The following TMEM132D variants were observed in gnomAD, a reference collection of about 807,000 sequenced individuals.
TMEM132D encodes the protein transmembrane protein 132D, also known as mature OL transmembrane protein.
TMEM132D carries 21 observed loss-of-function variants against 62.3 expected under a neutral mutation model. That is an observed-to-expected ratio of 0.34 (90% CI 0.24 to 0.49). The LOEUF (loss-of-function observed/expected upper bound fraction) is 0.49. TMEM132D is among the 20% of genes least tolerant of loss of function. TMEM132D has a pLI of 0.99. For synonymous variants in TMEM132D, 621 were observed against 575.6 expected, an observed-to-expected ratio of 1.08 and a Z score of -1.13; for missense variants, 1,346 against 1,402.8, an observed-to-expected ratio of 0.96 and a Z score of 0.65.
At chr12:129,224,360 T>C (rs1362107507) in intron 4 of TMEM132D, among the ~76,000 whole-genome samples, 1 of 152,238 alleles carries the variant, frequency 6.6e-6, no homozygotes, top group African/African-American at 2.4e-5. Flanking sequence ...TCAGGACTTC[T>C]TTTTACTTGA....
At chr12:129,274,207 A>G (rs1168715028) in intron 4 of TMEM132D, among the ~76,000 whole-genome samples, 1 of 151,886 alleles carries the variant, frequency 6.6e-6, no homozygotes, top group Non-Finnish European at 1.5e-5. Flanking sequence ...CCATCCAACA[A>G]GGGCAGTCTT....
chr12:129,808,294 T>C (rs543793072), intron 1 of TMEM132D, among the ~76,000 whole-genome samples: 3 of 152,290 alleles, frequency 2.0e-5, no homozygotes, highest in East Asian at 3.9e-4. Flanking sequence ...AGAATCTAGA[T>C]GCAGAATAAA....
chr12:129,438,462 TA>T (rs1872850739), intron 3 of TMEM132D, among the ~76,000 whole-genome samples: 1 of 152,332 alleles, frequency 6.6e-6, no homozygotes, highest in South Asian at 2.1e-4. Context: ...TACTCATTTA[TA>T]AAAAACATAG....
rs1874164155 is a variant in TMEM132D at position 129,074,067 on chromosome 12, T to C, written c.3108A>G (p.Thr1036=). ...DGKDQKSEPP[T]SPTSKRKRVK... is the part of the protein sequence containing the mutation. Reference sequence around the variant, plus strand: ...CCCTTTTCCTTTTTGAGGTAGGGGATGTTGGGGGCTCACTTTTCTGATCTT... The same window carrying C: ...CCCTTTTCCTTTTTGAGGTAGGGGACGTTGGGGGCTCACTTTTCTGATCTT... Residue 1036 remains threonine (T), a synonymous_variant, in exon 9 of 9, where the codon ACA becomes ACG. Transcript: ENST00000422113. 1 of 1,613,988 alleles carries C rather than the reference T, an allele frequency of 6.2e-7. No individual in the cohort carries two copies. The highest frequency in any genetic ancestry group is 8.5e-7 in the Non-Finnish European group (1 of 1,179,958).
At chr12:129,127,120 A>T (rs1593269776) in intron 5 of TMEM132D, among the ~76,000 whole-genome samples, 2 of 152,210 alleles carry the variant, frequency 1.3e-5, no homozygotes, top group African/African-American at 4.8e-5. Flanking sequence ...TCATCAACGG[A>T]TTGAACACAC....
intron 3 of TMEM132D, among the ~76,000 whole-genome samples, chr12:129,464,118 A>G (rs1873793836): frequency 6.7e-6 from 1 of 149,030 alleles, no homozygotes; most frequent in Admixed American, 6.7e-5. Context: ...CTATTTCTCC[A>G]CATCCTCTCC....
rs1389902323 is a variant in TMEM132D at position 129,421,478 on chromosome 12, T to C, written c.1116-83661A>G. Among the ~76,000 whole-genome samples, 9 of 152,328 alleles carry C rather than the reference T, an allele frequency of 5.9e-5. No homozygotes were observed. The East Asian group carries it at 1.4e-3, about 23-fold the overall frequency. Reference sequence around the variant, plus strand: ...CCCCATGGGGGAGCATGCTATGACATTGCTTGGGTGGAGACCAGAGATGCT... The same window carrying C: ...CCCCATGGGGGAGCATGCTATGACACTGCTTGGGTGGAGACCAGAGATGCT... On this transcript the variant is annotated intron_variant, in intron 3 of 8. Coordinates refer to ENST00000422113, the MANE Select transcript of TMEM132D (RefSeq NM_133448.3).
intron 5 of TMEM132D, among the ~76,000 whole-genome samples, chr12:129,197,113 C>T (rs1049045512): frequency 1.1e-4 from 17 of 152,182 alleles, no homozygotes; most frequent in Admixed American, 2.0e-4. Flanking sequence ...GCCCTGGTCA[C>T]ATAAAAGCAG....
intron 3 of TMEM132D, among the ~76,000 whole-genome samples, chr12:129,400,742 C>A (rs1339755011): frequency 6.6e-6 from 1 of 152,050 alleles, no homozygotes; most frequent in African/African-American, 2.4e-5. Flanking sequence ...AAGAAAAATT[C>A]TTGGGGAAAA....
At chr12:129,901,697 T>C (rs1486759966) in intron 1 of TMEM132D, among the ~76,000 whole-genome samples, 2 of 152,208 alleles carry the variant, frequency 1.3e-5, no homozygotes, top group Non-Finnish European at 2.9e-5. Context: ...TCAACACTGC[T>C]CAGTCTAATA....
chr12:129,831,841 A>AC (rs1555234622), intron 1 of TMEM132D, among the ~76,000 whole-genome samples: 1 of 145,232 alleles, frequency 6.9e-6, no homozygotes, highest in African/African-American at 2.5e-5. Flanking sequence ...ACGTTGAAGC[A>AC]TTTTTTTTTC....
intron 4 of TMEM132D, among the ~76,000 whole-genome samples, chr12:129,238,655 A>C (rs559795438): frequency 6.6e-6 from 1 of 152,140 alleles, no homozygotes; most frequent in East Asian, 1.9e-4. Flanking sequence ...CATATGTCCA[A>C]ATTTCCTTAT....
At chr12:129,604,242 G>T (rs1300806180) in intron 2 of TMEM132D, among the ~76,000 whole-genome samples, 4 of 152,010 alleles carry the variant, frequency 2.6e-5, no homozygotes, top group Non-Finnish European at 4.4e-5. Context: ...CCAGATGATG[G>T]GTTGATAGGT....
chr12:129,313,273 A>G (rs1417796088), intron 4 of TMEM132D, among the ~76,000 whole-genome samples: 9 of 152,136 alleles, frequency 5.9e-5, no homozygotes, highest in African/African-American at 2.2e-4. Flanking sequence ...CCATCACCCA[A>G]GCAGTATACA....
intron 3 of TMEM132D, among the ~76,000 whole-genome samples, chr12:129,453,304 C>T (rs562352997): frequency 5.9e-5 from 9 of 152,284 alleles, no homozygotes; most frequent in African/African-American, 1.9e-4. Flanking sequence ...TATCTGCTGG[C>T]TTTTGCAGCA....
At chr12:129,837,515 C>T (rs1379013554) in intron 1 of TMEM132D, among the ~76,000 whole-genome samples, 2 of 152,126 alleles carry the variant, frequency 1.3e-5, no homozygotes, top group African/African-American at 2.4e-5. Flanking sequence ...AAGAACAGCA[C>T]CTTTATCTTC....
intron 3 of TMEM132D, among the ~76,000 whole-genome samples, chr12:129,496,616 A>G (rs994245039): frequency 9.2e-5 from 14 of 152,160 alleles, no homozygotes; most frequent in African/African-American, 3.4e-4. Context: ...AGGAAAGAGA[A>G]ATATATGTTT....
intron 1 of TMEM132D, among the ~76,000 whole-genome samples, chr12:129,722,079 G>A (rs574831377): frequency 2.6e-5 from 4 of 152,188 alleles, no homozygotes; most frequent in Non-Finnish European, 5.9e-5. Flanking sequence ...GAGGTGGAGT[G>A]CCCAAGAGCC....
chr12:129,613,311 C>T (rs757273145), intron 2 of TMEM132D, among the ~76,000 whole-genome samples: 3 of 152,074 alleles, frequency 2.0e-5, no homozygotes, highest in Non-Finnish European at 2.9e-5. Flanking sequence ...CCCCGAATTC[C>T]TGCATTGTAA....
Sources: gnomAD v4.1 joint callset for allele counts (sites outside exome capture counted in the v4.1 genomes callset) on GRCh38, gnomAD v4.1.1 for gene constraint, MANE v1.5 for transcripts, NCBI Gene and HGNC (gene_info 2026-07-23, HGNC 2026-07-21) for gene names.